CELF4: variants seen among roughly 807,000 people sequenced by gnomAD.
CELF4 encodes CUG-BP- and ETR-3-like factor 4.
A neutral mutation model predicts 59.9 loss-of-function variants in CELF4; 18 were observed. The ratio of observed to expected loss-of-function variants is 0.30; its 90% CI spans 0.21 to 0.45. The LOEUF is 0.45. Among genes scored for constraint, CELF4 ranks in the 20% least tolerant of loss-of-function variants. CELF4 has a pLI of 1.00. For synonymous variants in CELF4, 261 were observed against 267.1 expected, an observed-to-expected ratio of 0.98 and a Z score of 0.22; for missense variants, 456 against 689.0, an observed-to-expected ratio of 0.66 and a Z score of 3.79.
chr18:37,316,024 T>C (rs2096857217), intron 3 of CELF4, among the ~76,000 whole-genome samples: 1 of 152,150 alleles, frequency 6.6e-6, no homozygotes, highest in African/African-American at 2.4e-5. Context: ...GACTGAGACC[T>C]GGGAGGAGAG....
intron 2 of CELF4, among the ~76,000 whole-genome samples, chr18:37,366,190 A>T (rs1477682948): frequency 2.0e-5 from 3 of 152,034 alleles, no homozygotes; most frequent in Admixed American, 6.6e-5. Context: ...CCCAAACCAG[A>T]TCTCGAGGCA....
intron 2 of CELF4, among the ~76,000 whole-genome samples, chr18:37,397,732 T>G (rs935650931): frequency 1.3e-5 from 2 of 152,204 alleles, no homozygotes; most frequent in African/African-American, 4.8e-5. Context: ...TGGCTGTACA[T>G]GAAGCTTGTG....
In CELF4 at chr18:37,332,453, G is replaced by C. The variant is rs530490334; in HGVS notation, c.370-10572C>G. On this transcript the variant is annotated intron_variant, in intron 2 of 12. Transcript: ENST00000420428. ...GCAGTGAGCGGCCCTGACATAGCCT[G>C]CTGGTGGGCTGGCGGGGGCTGCCTG... Among the ~76,000 whole-genome samples the C allele has an allele frequency of 3.9e-5, 6 of 152,308 alleles. No homozygotes were observed. In the South Asian group the frequency reaches 1.2e-3, roughly 32 times the overall value.
At chr18:37,298,937 A>C (rs886250741) in intron 3 of CELF4, among the ~76,000 whole-genome samples, 5 of 152,158 alleles carry the variant, frequency 3.3e-5, no homozygotes, top group African/African-American at 1.2e-4. Flanking sequence ...TGTAAGTCCC[A>C]GTAGGGCAGC....
intron 3 of CELF4, among the ~76,000 whole-genome samples, chr18:37,320,584 G>C (rs1362871417): frequency 6.6e-6 from 1 of 152,148 alleles, no homozygotes; most frequent in Non-Finnish European, 1.5e-5. Context: ...ACTTGGGCTG[G>C]GGGCCCTAGA....
chr18:37,425,305 G>A (rs966812933), intron 2 of CELF4, among the ~76,000 whole-genome samples: 15 of 152,232 alleles, frequency 9.9e-5, no homozygotes, highest in Middle Eastern at 3.2e-3. Flanking sequence ...TGCTGTGTAC[G>A]TGTCCATTAA....
intron 2 of CELF4, among the ~76,000 whole-genome samples, chr18:37,415,284 C>A (rs969356214): frequency 6.6e-6 from 1 of 152,212 alleles, no homozygotes; most frequent in African/African-American, 2.4e-5. Flanking sequence ...AACCTGCTGA[C>A]CTGGCTGGTG....
At chr18:37,493,678 AG>A (rs2099917107) in intron 1 of CELF4, among the ~76,000 whole-genome samples, 1 of 138,196 alleles carries the variant, frequency 7.2e-6, no homozygotes, top group African/African-American at 2.8e-5. Context: ...GGGACTGCAG[AG>A]GTGGGGGAGG....
At chr18:37,272,109 G>A (rs1053275492) in intron 7 of CELF4, among the ~76,000 whole-genome samples, 1 of 152,218 alleles carries the variant, frequency 6.6e-6, no homozygotes, top group South Asian at 2.1e-4. Context: ...TGGATGTTAG[G>A]AAAGTTGCTG....
chr18:37,547,422 C>G (rs1417091951), intron 1 of CELF4, among the ~76,000 whole-genome samples: 2 of 152,204 alleles, frequency 1.3e-5, no homozygotes, highest in Non-Finnish European at 2.9e-5. Context: ...TTGCCACCCC[C>G]TGGAGGCTGC....
rs537413954 is a variant in CELF4 at position 37,538,032 on chromosome 18, C to A, written c.286+27324G>T. The stretch of plus-strand genomic sequence containing the variant: ...TCTGGAGGCGGCCGGCTCCTTGGTC[C>A]GGGTTGTGCAGTAGTCCTGGTGCCC... On this transcript the variant is annotated intron_variant, in intron 1 of 12. Transcript: ENST00000420428. Among the ~76,000 whole-genome samples the A allele has an allele frequency of 3.9e-5, 6 of 152,332 alleles. No individual in the cohort carries two copies. In the East Asian group the frequency reaches 1.2e-3, roughly 29 times the overall value.
Position 37,299,511 on chromosome 18 carries a change from G to A in CELF4, c.448+22292C>T, listed in dbSNP as rs1393083357. ...TGGAACCCTCCCACTCAGAATGTCG[G>A]GCTCACAGGGACAAGGGATCCAGGC... On this transcript the variant is annotated intron_variant, in intron 3 of 12. Transcript: ENST00000420428. Among the ~76,000 whole-genome samples, 4 of 152,014 alleles carry A rather than the reference G, an allele frequency of 2.6e-5. No homozygotes were observed. In the East Asian group the frequency reaches 7.8e-4, roughly 30 times the overall value.
intron 1 of CELF4, among the ~76,000 whole-genome samples, chr18:37,491,661 T>A (rs1465450307): frequency 6.6e-6 from 1 of 151,952 alleles, no homozygotes; most frequent in Non-Finnish European, 1.5e-5. Flanking sequence ...AGAAGGAGTG[T>A]GTGGCAGGAG....
At chr18:37,349,012 C>T (rs1421503775) in intron 2 of CELF4, among the ~76,000 whole-genome samples, 8 of 152,272 alleles carry the variant, frequency 5.3e-5, no homozygotes, top group Non-Finnish European at 5.9e-5. Flanking sequence ...CTGATGAATG[C>T]AACTCTCCAA....
intron 11 of CELF4, among the ~76,000 whole-genome samples, chr18:37,255,006 C>T (rs1055238522): frequency 6.6e-6 from 1 of 152,152 alleles, no homozygotes; most frequent in Non-Finnish European, 1.5e-5. Context: ...CCTCCCTCAC[C>T]GAGTTGTAGT....
At chr18:37,284,645 C>T (rs572428609) in intron 3 of CELF4, among the ~76,000 whole-genome samples, 1 of 152,244 alleles carries the variant, frequency 6.6e-6, no homozygotes, top group Non-Finnish European at 1.5e-5. Flanking sequence ...CCACCTCCCT[C>T]CCCCGAGCTT....
intron 1 of CELF4, among the ~76,000 whole-genome samples, chr18:37,505,985 GT>G (rs33962760): frequency 0.88 from 133,708 of 151,642 alleles, 59,576 homozygotes; most frequent in East Asian, 0.96. Context: ...CTGCGGGCAA[GT>G]TGCCCCTCCC....
chr18:37,283,196 G>A (rs1249478137), intron 3 of CELF4, among the ~76,000 whole-genome samples: 2 of 151,728 alleles, frequency 1.3e-5, no homozygotes, highest in African/African-American at 4.8e-5. Flanking sequence ...ATACTTCAGG[G>A]TCTGCCATCC....
At chr18:37,399,625 C>T (rs2099298325) in intron 2 of CELF4, among the ~76,000 whole-genome samples, 1 of 152,134 alleles carries the variant, frequency 6.6e-6, no homozygotes. Context: ...CACAAAGTGC[C>T]TGAGATACAC....
Sources: allele counts gnomAD v4.1 joint callset (sites outside exome capture counted in the v4.1 genomes callset), GRCh38; gene constraint gnomAD v4.1.1; transcripts MANE v1.5; gene names NCBI Gene and HGNC (gene_info 2026-07-23, HGNC 2026-07-21).